The following MMP16 variants were observed in gnomAD, a reference collection of about 807,000 sequenced individuals.
MMP16 encodes the protein matrix metallopeptidase 16.
MMP16 carries 12 observed loss-of-function variants against 67.8 expected under a neutral mutation model. The observed-to-expected ratio is 0.18, with a 90% CI of 0.11 to 0.29. MMP16 has a LOEUF of 0.29. Among genes scored for constraint, MMP16 ranks in the 10% least tolerant of loss-of-function variants. MMP16 has a pLI of 1.00. For synonymous variants in MMP16, 249 were observed against 255.9 expected (o/e 0.97, Z 0.26); for missense variants, 475 against 765.7 (o/e 0.62, Z 4.48).
At chr8:88,078,751 C>G (rs1808695097) in intron 6 of MMP16, among the ~76,000 whole-genome samples, 2 of 152,166 alleles carry the variant, frequency 1.3e-5, no homozygotes, top group South Asian at 4.1e-4. Context: ...TACTTCTCTT[C>G]TGATACACAG....
At chr8:88,140,095 C>T (rs78056007) in intron 4 of MMP16, among the ~76,000 whole-genome samples, 8,251 of 152,100 alleles carry the variant, frequency 0.054, 348 homozygotes, top group Admixed American at 0.11. Context: ...CAATTTGATA[C>T]GGTCTGGGTC....
At chr8:88,135,298 A>C (rs935481655) in intron 4 of MMP16, among the ~76,000 whole-genome samples, 3 of 151,878 alleles carry the variant, frequency 2.0e-5, no homozygotes, top group African/African-American at 7.2e-5. Flanking sequence ...TATCCTTTCA[A>C]TAGCCATATG....
At chr8:88,239,326 A>G (rs2129896642) in intron 1 of MMP16, among the ~76,000 whole-genome samples, 1 of 150,378 alleles carries the variant, frequency 6.6e-6, no homozygotes, top group African/African-American at 2.4e-5. Context: ...AAAATTTCAA[A>G]ATCAATTAAA....
At chr8:88,109,735 T>A (rs925006969) in intron 6 of MMP16, among the ~76,000 whole-genome samples, 1 of 151,288 alleles carries the variant, frequency 6.6e-6, no homozygotes, top group African/African-American at 2.4e-5. Context: ...TTTTGAAGTA[T>A]GAATTGTGAA....
At chr8:88,139,972 T>G (rs1808184798) in intron 4 of MMP16, among the ~76,000 whole-genome samples, 1 of 152,174 alleles carries the variant, frequency 6.6e-6, no homozygotes, top group Non-Finnish European at 1.5e-5. Flanking sequence ...CTCTAAAAAT[T>G]TACTGCATTT....
At chr8:88,178,999 A>G (rs1008602231) in intron 3 of MMP16, among the ~76,000 whole-genome samples, 1 of 152,100 alleles carries the variant, frequency 6.6e-6, no homozygotes, top group Non-Finnish European at 1.5e-5. Flanking sequence ...GAGAGAAAAT[A>G]CACACAATGA....
chr8:88,160,390 G>C (rs544925507), intron 4 of MMP16, among the ~76,000 whole-genome samples: 3 of 151,818 alleles, frequency 2.0e-5, no homozygotes, highest in Non-Finnish European at 2.9e-5. Flanking sequence ...ATTTGGGTTG[G>C]TTCCAAGTCT....
chr8:88,128,117 A>T (rs1418283492), intron 4 of MMP16, among the ~76,000 whole-genome samples: 2 of 151,854 alleles, frequency 1.3e-5, no homozygotes, highest in African/African-American at 4.8e-5. Context: ...GCTGCGGAGA[A>T]CGGCCTCTGT....
chr8:88,243,761 T>C (rs1316397967), intron 1 of MMP16, among the ~76,000 whole-genome samples: 1 of 152,180 alleles, frequency 6.6e-6, no homozygotes, highest in Admixed American at 6.5e-5. Flanking sequence ...TGCTGCGTGT[T>C]AACATAATGT....
rs543811108 is a variant in MMP16 at position 88,127,943 on chromosome 8, C to T, written c.710-9082G>A. Among the ~76,000 whole-genome samples, 114 of 151,874 alleles carry T rather than the reference C, an allele frequency of 7.5e-4. 1 individual carries two copies. The highest frequency in any genetic ancestry group is 2.6e-3 in the African/African-American group (107 of 41,502). The stretch of plus-strand genomic sequence containing the variant: ...AAGACATACTGTAACACCACTGATA[C>T]GAAGCTGTTATACATAAGGGCTGGC... On this transcript the variant is annotated intron_variant, in intron 4 of 9. Coordinates refer to ENST00000286614, the MANE Select transcript of MMP16 (RefSeq NM_005941.5).
intron 4 of MMP16, among the ~76,000 whole-genome samples, chr8:88,144,164 T>A (rs950376767): frequency 6.6e-6 from 1 of 151,996 alleles, no homozygotes; most frequent in East Asian, 1.9e-4. Context: ...TTAATATGCA[T>A]ACAAATGCAT....
intron 1 of MMP16, among the ~76,000 whole-genome samples, chr8:88,314,382 T>C (rs1488757253): frequency 6.6e-6 from 1 of 152,202 alleles, no homozygotes; most frequent in East Asian, 1.9e-4. Context: ...CTAATTAGTG[T>C]TTTTCTGCTT....
intron 1 of MMP16, among the ~76,000 whole-genome samples, chr8:88,243,087 A>G (rs1252311919): frequency 6.6e-6 from 1 of 152,172 alleles, no homozygotes; most frequent in Non-Finnish European, 1.5e-5. Context: ...CATGTTCTCA[A>G]GAATGGGAGT....
intron 5 of MMP16, 85 bp downstream of exon 5, chr8:88,118,615 A>AG: frequency 8.2e-7 from 1 of 1,224,668 alleles, no homozygotes; most frequent in Non-Finnish European, 1.2e-6. Flanking sequence ...TGTTATACTT[A>AG]GAGCATCTAT....
chr8:88,214,989 A>G (rs1035190620), intron 1 of MMP16, among the ~76,000 whole-genome samples: 1 of 152,196 alleles, frequency 6.6e-6, no homozygotes, highest in Non-Finnish European at 1.5e-5. Context: ...CAGATAATAA[A>G]TTAGTGACAA....
At chr8:88,072,610 T>C (rs1463201962) in intron 7 of MMP16, among the ~76,000 whole-genome samples, 1 of 152,150 alleles carries the variant, frequency 6.6e-6, no homozygotes, top group Non-Finnish European at 1.5e-5. Context: ...AACGAAATTA[T>C]TGCTGTTGTA....
In MMP16 at chr8:88,039,578, AGTT is replaced by A. The variant is rs1808103749; in HGVS notation, c.*1880_*1882del. On this transcript the variant is annotated 3_prime_UTR_variant, in exon 10 of 10. Coordinates refer to ENST00000286614, the MANE Select transcript of MMP16 (RefSeq NM_005941.5). The surrounding 1 kb of genome is among the most constrained non-coding windows in gnomAD (Gnocchi z 4.5). ...AAATTTTCACAGAAGACAATGTTTA[AGTT>A]GTTGTTAATGACAGTCAATAGATCA... 6.6e-6 allele frequency: 1 copy of A among 152,636 alleles called. No individual in the cohort carries two copies. The highest frequency in any genetic ancestry group is 2.4e-5 in the African/African-American group (1 of 41,456). 9.5% of individuals were successfully genotyped at this position (152,636 alleles called of 1,614,324 possible). A position where few individuals can be genotyped will look rare whatever the true frequency, so the allele number is the denominator to read the frequency against.
rs35262224 is a variant in MMP16, at chr8:88,256,663, A to ATCTC, written c.133-59361_133-59358dup. ...CACTATATCCTTCCATAATCACCCC[A>ATCTC]TCTCTCTCTCTCTCTCTCTCTCACA... On this transcript the variant is annotated intron_variant, in intron 1 of 9. Transcript: ENST00000286614. 5.0e-3 allele frequency among the ~76,000 whole-genome samples: 712 copies of ATCTC among 141,978 alleles called. 7 individuals carry two copies. The East Asian group carries it at 0.051, about 10-fold the overall frequency. The allele number at this position is 141,978 out of a possible 152,430, so 93.1% of individuals were successfully genotyped here. A position where few individuals can be genotyped will look rare whatever the true frequency, so the allele number is the denominator to read the frequency against.
At chr8:88,153,938 A>C (rs1425726441) in intron 4 of MMP16, among the ~76,000 whole-genome samples, 1 of 150,970 alleles carries the variant, frequency 6.6e-6, no homozygotes, top group Admixed American at 6.6e-5. Context: ...CAACCTACAA[A>C]ATGGTAGAAA....
Sources: gnomAD v4.1 joint callset for allele counts (sites outside exome capture counted in the v4.1 genomes callset) on GRCh38, gnomAD v4.1.1 for gene constraint, Gnocchi (gnomAD v3.1) non-coding constraint, MANE v1.5 for transcripts, NCBI Gene and HGNC (gene_info 2026-07-23, HGNC 2026-07-21) for gene names.